EPHB1: variants seen among roughly 807,000 people sequenced by gnomAD.
EPHB1 encodes the protein ephrin type-B receptor 1.
A neutral mutation model predicts 94.4 loss-of-function variants in EPHB1; 30 were observed. The ratio of observed to expected loss-of-function variants is 0.32; its 90% confidence interval spans 0.24 to 0.43. The LOEUF (loss-of-function observed/expected upper bound fraction) is 0.43, where lower values mean the gene tolerates loss of function less well. EPHB1 is among the 20% of genes least tolerant of loss of function. The probability of loss-of-function intolerance (pLI) is 1.00; values close to 1 mark genes in which losing one functional copy is unlikely to be tolerated. For synonymous variants in EPHB1, 522 were observed against 489.1 expected, an observed-to-expected ratio of 1.07 and a Z score of -0.89; for missense variants, 1,055 against 1,308.3, an observed-to-expected ratio of 0.81 and a Z score of 2.99.
At chr3:134,840,740 C>T (rs942933549) in intron 1 of EPHB1, among the ~76,000 whole-genome samples, 2 of 152,084 alleles carry the variant, frequency 1.3e-5, no homozygotes, top group Non-Finnish European at 2.9e-5. Context: ...ATCTGGGTGC[C>T]GTTTTACAGA....
chr3:134,944,692 C>A (rs1188474073), intron 2 of EPHB1, among the ~76,000 whole-genome samples: 1 of 152,154 alleles, frequency 6.6e-6, no homozygotes, highest in African/African-American at 2.4e-5. Context: ...TGTAGGTTTT[C>A]TGGATATGAA....
At chr3:134,980,008 T>C (rs2107732947) in intron 3 of EPHB1, among the ~76,000 whole-genome samples, 1 of 152,366 alleles carries the variant, frequency 6.6e-6, no homozygotes, top group Non-Finnish European at 1.5e-5. Flanking sequence ...AGATTGTGTT[T>C]TTATTACCAA....
chr3:134,947,019 A>G (rs575564959), intron 2 of EPHB1, among the ~76,000 whole-genome samples: 2 of 152,048 alleles, frequency 1.3e-5, no homozygotes, highest in South Asian at 2.1e-4. Flanking sequence ...GCTCCCTGTA[A>G]TTTTCCCTCA....
At chr3:134,974,240 G>A (rs7636573) in intron 3 of EPHB1, among the ~76,000 whole-genome samples, 62,974 of 151,596 alleles carry the variant, frequency 0.42, 13,930 homozygotes, top group African/African-American at 0.56. Flanking sequence ...ACACACATGC[G>A]CACAAACACA....
chr3:135,087,327 G>C (rs959563), intron 3 of EPHB1, among the ~76,000 whole-genome samples: 1 of 152,058 alleles, frequency 6.6e-6, no homozygotes, highest in African/African-American at 2.4e-5. Flanking sequence ...TTCTTACTGA[G>C]AATGAGAAGG....
chr3:135,260,382 T>C lies in EPHB1; in HGVS notation c.*1262T>C, dbSNP rs953773161. 2 of 230,722 alleles carry C rather than the reference T, an allele frequency of 8.7e-6. No individual in the cohort carries two copies. The highest frequency in any genetic ancestry group is 1.7e-5 in the Non-Finnish European group (2 of 116,326). The allele number at this position is 230,722 out of a possible 1,614,324, so 14.3% of individuals were successfully genotyped here. Reference sequence around the variant, plus strand: ...AAATTCCACCTAACATTTAATTATTTTAAATTTCTCCTTTTACCTTAATCT... The same window carrying C: ...AAATTCCACCTAACATTTAATTATTCTAAATTTCTCCTTTTACCTTAATCT... On this transcript the variant is annotated 3_prime_UTR_variant, in exon 16 of 16. Coordinates refer to ENST00000398015, the MANE Select transcript of EPHB1 (RefSeq NM_004441.5).
At chr3:134,843,752 T>G (rs2036818378) in intron 1 of EPHB1, among the ~76,000 whole-genome samples, 1 of 152,194 alleles carries the variant, frequency 6.6e-6, no homozygotes. Flanking sequence ...ATTTCTGTCT[T>G]TTAAGAGATG....
At position 135,095,216 on chromosome 3, in the gene EPHB1, G is replaced by A. The variant is rs572588185; in HGVS notation, c.806-11232G>A. On this transcript the variant is annotated intron_variant, in intron 3 of 15. Coordinates refer to ENST00000398015, the MANE Select transcript of EPHB1 (RefSeq NM_004441.5). ...AATGTCTAGCCCTAGAGGATGAAGT[G>A]TAGAGGGCAGGCTTTCTGGGGTCAG... is the stretch of plus-strand genomic sequence containing the variant. Among the ~76,000 whole-genome samples the A allele has an allele frequency of 2.0e-5, 3 of 152,302 alleles. No homozygotes were observed. In the East Asian group the frequency reaches 5.8e-4, roughly 29 times the overall value.
chr3:134,924,398 A>T (rs886680718), intron 1 of EPHB1, among the ~76,000 whole-genome samples: 9 of 152,212 alleles, frequency 5.9e-5, no homozygotes, highest in Non-Finnish European at 1.3e-4. Context: ...ACTCAATAAT[A>T]AGAAAATAAT....
chr3:135,055,942 T>G (rs112200941), intron 3 of EPHB1, among the ~76,000 whole-genome samples: 7,840 of 152,092 alleles, frequency 0.052, 256 homozygotes, highest in African/African-American at 0.089. Context: ...AACACAACAG[T>G]GTTTACCTGG....
intron 13 of EPHB1, among the ~76,000 whole-genome samples, chr3:135,247,336 T>TG (rs1393410745): frequency 1.3e-5 from 2 of 152,248 alleles, no homozygotes; most frequent in Non-Finnish European, 2.9e-5. Flanking sequence ...CTCTTTTACC[T>TG]GTTACAGTAT....
At chr3:135,105,936 AATACATCTC>A (rs1939201211) in intron 3 of EPHB1, among the ~76,000 whole-genome samples, 1 of 152,242 alleles carries the variant, frequency 6.6e-6, no homozygotes, top group Non-Finnish European at 1.5e-5. Flanking sequence ...AGAGCTTGTT[AATACATCTC>A]ATAGTGTGTT....
intron 3 of EPHB1, among the ~76,000 whole-genome samples, chr3:135,054,061 ACACACAC>A (rs1559811655): frequency 6.6e-6 from 1 of 151,802 alleles, no homozygotes; most frequent in African/African-American, 2.4e-5. Flanking sequence ...ACACACACAC[ACACACAC>A]ACATAGCATT....
intron 11 of EPHB1, among the ~76,000 whole-genome samples, chr3:135,196,525 T>C (rs1449283571): frequency 6.6e-6 from 1 of 152,188 alleles, no homozygotes; most frequent in Non-Finnish European, 1.5e-5. Flanking sequence ...AATCTATAAA[T>C]CTAATTTCAG....
intron 4 of EPHB1, among the ~76,000 whole-genome samples, chr3:135,118,411 C>T (rs377308904): frequency 2.6e-5 from 4 of 152,186 alleles, no homozygotes; most frequent in East Asian, 1.9e-4. Context: ...TCTCAGTTAA[C>T]CTCAGAGATT....
At chr3:135,075,380 G>C (rs1937872916) in intron 3 of EPHB1, among the ~76,000 whole-genome samples, 1 of 152,104 alleles carries the variant, frequency 6.6e-6, no homozygotes, top group Non-Finnish European at 1.5e-5. Context: ...CTGATGAGTA[G>C]ACCTGCTGCT....
chr3:134,799,355 G>A lies in EPHB1; in HGVS notation c.58+3666G>A, dbSNP rs188624838. The stretch of plus-strand genomic sequence containing the variant: ...TCCATGAACGTGCTTGAGCCTACAA[G>A]CAGTAGCAGGCACCAAAGATTTTTA... On this transcript the variant is annotated intron_variant, in intron 1 of 15. Coordinates refer to ENST00000398015, the MANE Select transcript of EPHB1 (RefSeq NM_004441.5). Among the ~76,000 whole-genome samples the A allele has an allele frequency of 4.6e-5, 7 of 152,300 alleles. No homozygotes were observed. In the East Asian group the frequency reaches 1.3e-3, roughly 29 times the overall value.
intron 3 of EPHB1, among the ~76,000 whole-genome samples, chr3:135,002,056 TGTG>T (rs1342245722): frequency 2.0e-5 from 3 of 152,076 alleles, no homozygotes; most frequent in African/African-American, 4.8e-5. Flanking sequence ...ATAAACAAAA[TGTG>T]GTATATATAT....
chr3:135,099,012 C>CAAA (rs34508563), intron 3 of EPHB1, among the ~76,000 whole-genome samples: 2 of 64,480 alleles, frequency 3.1e-5, no homozygotes, highest in African/African-American at 6.4e-5. Context: ...GACCCTGCCT[C>CAAA]AAAAAAAAAA....
Sources: allele counts gnomAD v4.1 joint callset (sites outside exome capture counted in the v4.1 genomes callset), GRCh38; gene constraint gnomAD v4.1.1; transcripts MANE v1.5; gene names NCBI Gene and HGNC (gene_info 2026-07-23, HGNC 2026-07-21).